The following NPAS3 variants were observed in gnomAD, a reference collection of about 807,000 sequenced individuals.
NPAS3 encodes neuronal PAS domain protein 3.
Under a neutral mutation model 73.1 loss-of-function variants are expected in NPAS3, and 14 were observed. The ratio of observed to expected loss-of-function variants is 0.19; its 90% CI spans 0.13 to 0.30. NPAS3 has a LOEUF of 0.30. Ranked by LOEUF, NPAS3 falls within the 10% of genes least tolerant of loss-of-function variation. NPAS3 has a pLI of 1.00. For synonymous variants in NPAS3, 620 were observed against 541.5 expected, an observed-to-expected ratio of 1.14 and a Z score of -2.01; for missense variants, 1,096 against 1,250.0, an observed-to-expected ratio of 0.88 and a Z score of 1.86.
chr14:33,765,258 A>G (rs1171799019), intron 7 of NPAS3, among the ~76,000 whole-genome samples: 2 of 152,072 alleles, frequency 1.3e-5, no homozygotes, highest in African/African-American at 4.8e-5. Flanking sequence ...GGTTTTAAAA[A>G]TAATTTTTTA....
intron 6 of NPAS3, chr14:33,680,526 T>C (rs1396419668): frequency 2.9e-6 from 2 of 690,754 alleles, no homozygotes; most frequent in Non-Finnish European, 5.2e-6. Context: ...AAAATAAGAT[T>C]GTAATGCATA....
chr14:33,230,343 C>T (rs868859203), intron 3 of NPAS3, among the ~76,000 whole-genome samples: 2 of 152,160 alleles, frequency 1.3e-5, no homozygotes, highest in African/African-American at 4.8e-5. Flanking sequence ...GTCCTCTGTG[C>T]TCTGGCTATC....
At chr14:33,690,964 CAAGACGAATGTGCT>C (rs2060220741) in intron 6 of NPAS3, among the ~76,000 whole-genome samples, 1 of 151,862 alleles carries the variant, frequency 6.6e-6, no homozygotes, top group Non-Finnish European at 1.5e-5. Flanking sequence ...AAGTGTCCCA[CAAGACGAATGTGCT>C]TTAATCATCT....
At chr14:33,765,693 A>C (rs1266001793) in intron 7 of NPAS3, among the ~76,000 whole-genome samples, 3 of 152,192 alleles carry the variant, frequency 2.0e-5, no homozygotes, top group East Asian at 1.9e-4. Context: ...ATATATGTTC[A>C]TCTTTCTTTG....
intron 3 of NPAS3, among the ~76,000 whole-genome samples, chr14:33,312,146 A>G (rs1211620426): frequency 1.3e-5 from 2 of 152,130 alleles, no homozygotes; most frequent in East Asian, 1.9e-4. Context: ...CTATTAACAA[A>G]TCAGCCAAAG....
At chr14:33,360,123 C>T (rs1239798521) in intron 3 of NPAS3, among the ~76,000 whole-genome samples, 2 of 152,330 alleles carry the variant, frequency 1.3e-5, no homozygotes, top group Admixed American at 6.5e-5. Flanking sequence ...TCGTCAGCTT[C>T]GCATCCCGAG....
intron 2 of NPAS3, among the ~76,000 whole-genome samples, chr14:33,118,701 G>A (rs763227635): frequency 6.6e-6 from 1 of 152,030 alleles, no homozygotes; most frequent in Non-Finnish European, 1.5e-5. Context: ...GTTTATTTTT[G>A]GAGGGACTGG....
chr14:33,209,626 T>C (rs1236023819), intron 2 of NPAS3, among the ~76,000 whole-genome samples: 3 of 152,206 alleles, frequency 2.0e-5, no homozygotes, highest in African/African-American at 7.2e-5. Context: ...CCTTTGAGGC[T>C]GCATGCCAGA....
chr14:32,975,860 C>T (rs993142765), intron 1 of NPAS3, among the ~76,000 whole-genome samples: 2 of 145,636 alleles, frequency 1.4e-5, no homozygotes, highest in Admixed American at 6.9e-5. Context: ...TGGTGAGGGG[C>T]GTGTGTGTGT....
chr14:33,259,805 A>C (rs1485022924), intron 3 of NPAS3, among the ~76,000 whole-genome samples: 1 of 152,186 alleles, frequency 6.6e-6, no homozygotes, highest in Non-Finnish European at 1.5e-5. Context: ...GTTTGACCAC[A>C]ACTATGTGTT....
intron 7 of NPAS3, among the ~76,000 whole-genome samples, chr14:33,753,498 G>T (rs1459361209): frequency 6.6e-6 from 1 of 152,130 alleles, no homozygotes; most frequent in African/African-American, 2.4e-5. Flanking sequence ...GGCCAGTTCA[G>T]ATTGATTCTG....
intron 5 of NPAS3, among the ~76,000 whole-genome samples, chr14:33,618,794 G>A (rs1205052815): frequency 6.6e-6 from 1 of 152,202 alleles, no homozygotes. Context: ...AAGTTGCAAG[G>A]CCTGGAAATG....
intron 6 of NPAS3, among the ~76,000 whole-genome samples, chr14:33,687,011 G>T (rs1017154368): frequency 6.6e-6 from 1 of 152,220 alleles, no homozygotes; most frequent in African/African-American, 2.4e-5. Context: ...ACCCAGAAGT[G>T]AGTGAATAGA....
At chr14:33,037,047 T>C (rs922659801) in intron 1 of NPAS3, among the ~76,000 whole-genome samples, 2 of 152,206 alleles carry the variant, frequency 1.3e-5, no homozygotes, top group African/African-American at 4.8e-5. Context: ...TGATTTTGCA[T>C]AGAATGTGTT....
At chr14:33,402,826 A>C (rs1429277894) in intron 4 of NPAS3, among the ~76,000 whole-genome samples, 1 of 152,172 alleles carries the variant, frequency 6.6e-6, no homozygotes, top group African/African-American at 2.4e-5. Flanking sequence ...CCTTGAGTCT[A>C]TCACTACAGA....
intron 1 of NPAS3, among the ~76,000 whole-genome samples, chr14:33,033,595 A>G (rs1029843441): frequency 8.5e-5 from 13 of 152,158 alleles, no homozygotes; most frequent in Non-Finnish European, 1.9e-4. Context: ...AAATCAGTAG[A>G]TCATGCCCCC....
intron 4 of NPAS3, among the ~76,000 whole-genome samples, chr14:33,428,960 A>G (rs1566894753): frequency 6.6e-6 from 1 of 152,140 alleles, no homozygotes; most frequent in Non-Finnish European, 1.5e-5. Flanking sequence ...ACTAGACACT[A>G]TTTGGAGAAA....
At chr14:33,373,765 A>T in intron 4 of NPAS3, among the ~76,000 whole-genome samples, 1 of 152,238 alleles carries the variant, frequency 6.6e-6, no homozygotes, top group Non-Finnish European at 1.5e-5. Flanking sequence ...ATGAATTTTT[A>T]TATTGCTTTT....
intron 1 of NPAS3, among the ~76,000 whole-genome samples, chr14:32,983,682 A>G (rs1201473036): frequency 6.6e-6 from 1 of 152,054 alleles, no homozygotes; most frequent in Non-Finnish European, 1.5e-5. Context: ...CACTATATTC[A>G]TGCAATTTAT....
Sources: allele counts gnomAD v4.1 joint callset (sites outside exome capture counted in the v4.1 genomes callset), GRCh38; gene constraint gnomAD v4.1.1; transcripts MANE v1.5; gene names NCBI Gene and HGNC (gene_info 2026-07-23, HGNC 2026-07-21).